The following ACSM1 variants were observed in gnomAD, a reference collection of about 807,000 sequenced individuals.
ACSM1 encodes the protein acyl-CoA synthetase medium chain family member 1, also known as acyl-coenzyme A synthetase ACSM1, mitochondrial.
Under a neutral mutation model 75.8 loss-of-function variants are expected in ACSM1, and 79 were observed. The ratio of observed to expected loss-of-function variants is 1.04; its 90% confidence interval spans 0.87 to 1.26. ACSM1 has a LOEUF of 1.26. ACSM1 is among the 50% of genes most tolerant of loss of function. The probability of loss-of-function intolerance (pLI) is 0.00; values close to 1 mark genes in which losing one functional copy is unlikely to be tolerated. For synonymous variants in ACSM1, 279 were observed against 265.8 expected, an observed-to-expected ratio of 1.05 and a Z score of -0.48; for missense variants, 676 against 720.1, an observed-to-expected ratio of 0.94 and a Z score of 0.70.
intron 4 of ACSM1, among the ~76,000 whole-genome samples, chr16:20,673,552 C>A (rs548415889): frequency 6.6e-6 from 1 of 152,296 alleles, no homozygotes; most frequent in Non-Finnish European, 1.5e-5. Flanking sequence ...TAATGTGAGA[C>A]ATGACTGAAG....
chr16:20,687,011 C>T lies in ACSM1; in HGVS notation c.193-1608G>A, dbSNP rs1394203158. Among the ~76,000 whole-genome samples the T allele has an allele frequency of 6.0e-5, 9 of 150,682 alleles. No individual in the cohort carries two copies. In the South Asian group the frequency reaches 1.5e-3, roughly 25 times the overall value. The stretch of plus-strand genomic sequence containing the variant: ...TTTTTTTTTTTGGTCACCATTGCCC[C>T]CATCTCTTTCTGGTGTGGTGCGGTG... On this transcript the variant is annotated intron_variant, in intron 2 of 13. Coordinates refer to ENST00000520010, the MANE Select transcript of ACSM1 (RefSeq NM_001318890.3).
At position 20,691,250 on chromosome 16, in the gene ACSM1, G is replaced by C; in HGVS notation, c.-51-11C>G. The C allele has an allele frequency of 7.2e-7, 1 of 1,379,478 alleles. No homozygotes were observed. The highest frequency in any genetic ancestry group is 9.7e-7 in the Non-Finnish European group (1 of 1,029,068). 85.5% of individuals were successfully genotyped at this position (1,379,478 alleles called of 1,614,324 possible). A position where few individuals can be genotyped will look rare whatever the true frequency, so the allele number is the denominator to read the frequency against. On this transcript the variant is annotated splice_polypyrimidine_tract_variant and intron_variant, in intron 1 of 13. Coordinates refer to ENST00000520010, the MANE Select transcript of ACSM1 (RefSeq NM_001318890.3). ...CAAGTCACCACCTGCCTTGGGAAGA[G>C]ATGGCTAATAGATTGGCTGTGTATC...
chr16:20,677,033 G>C (rs2152290686), intron 4 of ACSM1, among the ~76,000 whole-genome samples: 1 of 151,474 alleles, frequency 6.6e-6, no homozygotes, highest in Non-Finnish European at 1.5e-5. Flanking sequence ...AGATGGCTTA[G>C]TAGTAAACAA....
intron 4 of ACSM1, among the ~76,000 whole-genome samples, chr16:20,672,123 T>C (rs902628620): frequency 1.3e-5 from 2 of 151,986 alleles, no homozygotes; most frequent in Non-Finnish European, 2.9e-5. Flanking sequence ...GTTAGGTAAT[T>C]TGCTTGGTAA....
At chr16:20,688,452 G>C (rs2079593328) in intron 2 of ACSM1, among the ~76,000 whole-genome samples, 1 of 151,944 alleles carries the variant, frequency 6.6e-6, no homozygotes, top group South Asian at 2.1e-4. Flanking sequence ...AATATGAGAA[G>C]CTCAATAAAC....
intron 7 of ACSM1, among the ~76,000 whole-genome samples, chr16:20,659,229 A>G (rs1242505497): frequency 6.6e-6 from 1 of 152,094 alleles, no homozygotes; most frequent in African/African-American, 2.4e-5. Context: ...TAAAACTATT[A>G]CCATCAAATC....
At chr16:20,650,465 C>T (rs2018586825) in intron 7 of ACSM1, among the ~76,000 whole-genome samples, 1 of 152,004 alleles carries the variant, frequency 6.6e-6, no homozygotes, top group Admixed American at 6.6e-5. Context: ...TTTAAAATTG[C>T]TCATCCAGGA....
intron 10 of ACSM1, among the ~76,000 whole-genome samples, chr16:20,635,352 G>A (rs534699530): frequency 6.6e-6 from 1 of 152,222 alleles, no homozygotes; most frequent in South Asian, 2.1e-4. Flanking sequence ...CTTTAATCAC[G>A]CTCCTGCACT....
At chr16:20,655,795 T>A (rs1468624497) in intron 7 of ACSM1, among the ~76,000 whole-genome samples, 2 of 152,134 alleles carry the variant, frequency 1.3e-5, no homozygotes, top group East Asian at 3.8e-4. Flanking sequence ...CCTGAGTAAC[T>A]GGGACTATAG....
Position 20,627,231 on chromosome 16 carries a change from A to G in ACSM1, c.1385T>C (p.Ile462Thr), listed in dbSNP as rs1377718376. Residue 462 changes from isoleucine (I) to threonine (T), a missense_variant, in exon 11 of 14, where the codon ATT becomes ACT. By Grantham distance (89) the Ile-to-Thr change is moderately conservative. Coordinates refer to ENST00000520010, the MANE Select transcript of ACSM1 (RefSeq NM_001318890.3). The stretch of plus-strand genomic sequence containing the variant: ...GTCATCACTCCTCCCCAGGAAACAA[A>G]TGTAGCCCTCTTCATCCATCTTACC... ...DRGKMDEEGY[I>T]CFLGRSDDII... The G allele has an allele frequency of 3.2e-6, 5 of 1,585,454 alleles. No individual in the cohort carries two copies. The highest frequency in any genetic ancestry group is 4.3e-6 in the Non-Finnish European group (5 of 1,168,128).
chr16:20,676,971 A>T (rs2020321200), intron 4 of ACSM1, among the ~76,000 whole-genome samples: 2 of 152,144 alleles, frequency 1.3e-5, no homozygotes, highest in Non-Finnish European at 2.9e-5. Context: ...AAAAAGCTCA[A>T]ATCTGCTCTA....
intron 10 of ACSM1, among the ~76,000 whole-genome samples, chr16:20,627,912 A>G (rs2017083994): frequency 1.5e-5 from 1 of 67,484 alleles, no homozygotes; most frequent in South Asian, 4.6e-4. Flanking sequence ...ATATATATAT[A>G]TATATATATA....
At chr16:20,696,382 C>T (rs2079689951) in intron 1 of ACSM1, among the ~76,000 whole-genome samples, 1 of 152,194 alleles carries the variant, frequency 6.6e-6, no homozygotes, top group African/African-American at 2.4e-5. Flanking sequence ...TCTCACCGTG[C>T]TGGACATAGT....
intron 7 of ACSM1, among the ~76,000 whole-genome samples, chr16:20,656,980 C>G (rs1174134228): frequency 6.6e-6 from 1 of 151,666 alleles, no homozygotes. Context: ...TGCATACATC[C>G]CAACCACAAA....
intron 3 of ACSM1, among the ~76,000 whole-genome samples, chr16:20,684,305 T>G (rs544146500): frequency 6.6e-6 from 1 of 152,298 alleles, no homozygotes; most frequent in South Asian, 2.1e-4. Context: ...AATAGGAATA[T>G]TCACACAATC....
Position 20,640,461 on chromosome 16 carries a change from C to G in ACSM1, c.1116G>C (p.Thr372=). Residue 372 remains threonine (T), a splice_region_variant and synonymous_variant, in exon 8 of 14, where the codon ACG becomes ACC. Coordinates refer to ENST00000520010, the MANE Select transcript of ACSM1 (RefSeq NM_001318890.3). ...LLYENYGQSE[T]GLICATYWGM... is the part of the protein sequence containing the mutation. ...ACACTTTCTGGTTTGCACCACCTAC[C>G]GTTTCCGACTGCCCATAGTTCTCGT... 6.2e-7 allele frequency: 1 copy of G among 1,614,114 alleles called. No homozygotes were observed. The highest frequency in any genetic ancestry group is 8.5e-7 in the Non-Finnish European group (1 of 1,180,006).
chr16:20,672,251 G>A (rs541090788), intron 4 of ACSM1, among the ~76,000 whole-genome samples: 1 of 151,140 alleles, frequency 6.6e-6, no homozygotes, highest in Admixed American at 6.6e-5. Flanking sequence ...TTGGTGATGA[G>A]GGGTGGGGAA....
chr16:20,656,358 T>G (rs1372509143), intron 7 of ACSM1, among the ~76,000 whole-genome samples: 1 of 152,120 alleles, frequency 6.6e-6, no homozygotes, highest in African/African-American at 2.4e-5. Flanking sequence ...CTTGATAATC[T>G]GTGGTAAAAA....
chr16:20,693,026 C>A (rs1413844885), intron 1 of ACSM1, among the ~76,000 whole-genome samples: 2 of 151,944 alleles, frequency 1.3e-5, no homozygotes, highest in African/African-American at 4.8e-5. Flanking sequence ...AAAAATTAGC[C>A]AGGCATGGAA....
Sources: gnomAD v4.1 joint callset for allele counts (sites outside exome capture counted in the v4.1 genomes callset) on GRCh38, gnomAD v4.1.1 for gene constraint, MANE v1.5 for transcripts, NCBI Gene and HGNC (gene_info 2026-07-23, HGNC 2026-07-21) for gene names.